The following SVIL variants were observed in gnomAD, a reference collection of about 807,000 sequenced individuals.
The protein encoded by SVIL is supervillin.
A neutral mutation model predicts 240.4 loss-of-function variants in SVIL; 101 were observed. The ratio of observed to expected loss-of-function variants is 0.42; its 90% CI spans 0.36 to 0.50. The LOEUF (loss-of-function observed/expected upper bound fraction) is 0.50, where lower values mean the gene tolerates loss of function less well. Among genes scored for constraint, SVIL ranks in the 20% least tolerant of loss-of-function variants. The probability of loss-of-function intolerance (pLI) is 0.01; values close to 1 mark genes in which losing one functional copy is unlikely to be tolerated. For missense variants in SVIL, 2,512 were observed against 2,818.7 expected (o/e 0.89, Z 2.46); for synonymous variants, 999 against 1,100.0 (o/e 0.91, Z 1.82).
chr10:29,528,559 C>A (rs1003963213), intron 12 of SVIL, among the ~76,000 whole-genome samples: 11 of 151,558 alleles, frequency 7.3e-5, no homozygotes, highest in African/African-American at 2.7e-4. Flanking sequence ...GGCAACATGG[C>A]AAAACCCCAT....
chr10:29,513,420 T>C (rs1404567552), intron 16 of SVIL, among the ~76,000 whole-genome samples: 1 of 151,966 alleles, frequency 6.6e-6, no homozygotes, highest in Non-Finnish European at 1.5e-5. Flanking sequence ...AATACAAAAA[T>C]TAGCCAGCGG....
intron 2 of SVIL, among the ~76,000 whole-genome samples, chr10:29,662,914 CCA>C (rs927187650): frequency 6.6e-6 from 1 of 152,104 alleles, no homozygotes; most frequent in African/African-American, 2.4e-5. Context: ...AGTTTGAGAC[CCA>C]CCTGGGCAGC....
intron 16 of SVIL, 39 bp from the exon 17 acceptor site, chr10:29,512,900 C>T (rs749923884): frequency 2.5e-6 from 4 of 1,598,044 alleles, no homozygotes; most frequent in Admixed American, 1.7e-5. Flanking sequence ...AGTTCAGCAC[C>T]AAACTCTTCC....
intron 1 of SVIL, among the ~76,000 whole-genome samples, chr10:29,570,773 G>C (rs979858593): frequency 6.6e-6 from 1 of 152,118 alleles, no homozygotes; most frequent in African/African-American, 2.4e-5. Flanking sequence ...CTTATTAAGG[G>C]AAAACAAATT....
chr10:29,466,181 A>G (rs950325979), intron 33 of SVIL, among the ~76,000 whole-genome samples: 1 of 151,952 alleles, frequency 6.6e-6, no homozygotes, highest in Non-Finnish European at 1.5e-5. Context: ...GCATATCTAT[A>G]CACAGATATA....
At chr10:29,490,255 C>A (rs1199437577) in intron 22 of SVIL, among the ~76,000 whole-genome samples, 1 of 151,950 alleles carries the variant, frequency 6.6e-6, no homozygotes, top group African/African-American at 2.4e-5. Flanking sequence ...ATATAAAAAT[C>A]TAGGATTAGA....
At chr10:29,583,535 A>G (rs945378834) in intron 1 of SVIL, among the ~76,000 whole-genome samples, 4 of 152,120 alleles carry the variant, frequency 2.6e-5, no homozygotes, top group African/African-American at 9.7e-5. Flanking sequence ...CCTGGGCTCA[A>G]GCAATCCTCC....
chr10:29,716,488 T>C (rs1963618687), intron 1 of SVIL, among the ~76,000 whole-genome samples: 1 of 152,076 alleles, frequency 6.6e-6, no homozygotes, highest in South Asian at 2.1e-4. Flanking sequence ...AAAAGCAACA[T>C]AATCAATGGC....
chr10:29,528,324 C>T (rs145056809), intron 12 of SVIL, among the ~76,000 whole-genome samples: 17 of 152,190 alleles, frequency 1.1e-4, no homozygotes, highest in African/African-American at 4.1e-4. Flanking sequence ...GTCTACAGAA[C>T]GGGGCACTGA....
chr10:29,593,516 T>C (rs552625222), intron 1 of SVIL, among the ~76,000 whole-genome samples: 1 of 152,282 alleles, frequency 6.6e-6, no homozygotes, highest in South Asian at 2.1e-4. Flanking sequence ...AAGCCAAAGA[T>C]GGTCTTCACT....
chr10:29,549,572 C>T (rs1355733901), intron 6 of SVIL, among the ~76,000 whole-genome samples: 3 of 145,666 alleles, frequency 2.1e-5, no homozygotes, highest in African/African-American at 5.1e-5. Flanking sequence ...CACATGCACA[C>T]GTATGTTTAT....
chr10:29,645,820 C>T (rs1958636367), intron 3 of SVIL, among the ~76,000 whole-genome samples: 2 of 152,210 alleles, frequency 1.3e-5, no homozygotes, highest in African/African-American at 4.8e-5. Context: ...AAGTAATTCC[C>T]TCCCAAGGAT....
At chr10:29,631,945 TCA>T (rs1958112169) in intron 1 of SVIL, among the ~76,000 whole-genome samples, 1 of 152,146 alleles carries the variant, frequency 6.6e-6, no homozygotes, top group African/African-American at 2.4e-5. Context: ...ATACTCCCAG[TCA>T]CAGCAAGGCA....
At chr10:29,696,112 T>G (rs1961965775) in intron 1 of SVIL, among the ~76,000 whole-genome samples, 1 of 151,768 alleles carries the variant, frequency 6.6e-6, no homozygotes, top group Admixed American at 6.6e-5. Context: ...CCGCCACGCC[T>G]GACTGGTTTT....
intron 1 of SVIL, among the ~76,000 whole-genome samples, chr10:29,622,421 G>A (rs1336344988): frequency 2.0e-5 from 3 of 152,152 alleles, no homozygotes; most frequent in South Asian, 4.2e-4. Flanking sequence ...AACTGTCAGA[G>A]GTTTATGAGT....
chr10:29,698,483 G>T (rs1479116017), intron 1 of SVIL, among the ~76,000 whole-genome samples: 1 of 140,444 alleles, frequency 7.1e-6, no homozygotes, highest in Non-Finnish European at 1.5e-5. Flanking sequence ...GACCATGGCT[G>T]TTACAGGGAT....
At position 29,532,778 on chromosome 10, in the gene SVIL, G is replaced by T. The variant is rs1351916211; in HGVS notation, c.1589C>A (p.Pro530Gln). 5 of 1,614,036 alleles carry T rather than the reference G, an allele frequency of 3.1e-6. No individual in the cohort carries two copies. Among genetic ancestry groups the T allele is most frequent in the Admixed American group, 3.3e-5 (2 of 60,004 alleles). Reference protein sequence around the residue: ...QSEPVSQDAKPTGHNREASKK... With the variant: ...QSEPVSQDAKQTGHNREASKK... The stretch of plus-strand genomic sequence containing the variant: ...CGAGGCTTCCCTGTTGTGACCAGTT[G>T]GTTTGGCGTCTTGGGACACAGGCTC... Residue 530 changes from proline (P) to glutamine (Q), a missense_variant, in exon 8 of 38, where the codon CCA becomes CAA. Pro to Gln is a moderately conservative substitution (Grantham distance 76). Transcript: ENST00000355867.
chr10:29,577,412 T>C (rs1955749458), intron 1 of SVIL, among the ~76,000 whole-genome samples: 1 of 152,184 alleles, frequency 6.6e-6, no homozygotes. Flanking sequence ...TAGCTCCCAC[T>C]TATACATGAA....
chr10:29,692,747 C>T (rs1016988279), intron 1 of SVIL, among the ~76,000 whole-genome samples: 20 of 152,020 alleles, frequency 1.3e-4, no homozygotes, highest in African/African-American at 4.8e-4. Context: ...CCTGCCTCAG[C>T]CTCCCAAGGT....
Sources: allele counts gnomAD v4.1 joint callset (sites outside exome capture counted in the v4.1 genomes callset), GRCh38; gene constraint gnomAD v4.1.1; transcripts MANE v1.5; gene names NCBI Gene and HGNC (gene_info 2026-07-23, HGNC 2026-07-21).